WWOX: variants seen among roughly 807,000 people sequenced by gnomAD.
WWOX encodes the protein WW domain containing oxidoreductase.
In WWOX, 69 loss-of-function variants were observed where a neutral mutation model predicts 46.2. The ratio of observed to expected loss-of-function variants is 1.49; its 90% CI spans 1.23 to 1.82. The LOEUF (loss-of-function observed/expected upper bound fraction) is 1.82. Among genes scored for constraint, WWOX ranks in the 40% most tolerant of loss-of-function variants. The probability of loss-of-function intolerance (pLI) is 0.00; values close to 1 mark genes in which losing one functional copy is unlikely to be tolerated. For synonymous variants in WWOX, 359 were observed against 202.6 expected, an observed-to-expected ratio of 1.77 and a Z score of -6.56; for missense variants, 919 against 542.6, an observed-to-expected ratio of 1.69 and a Z score of -6.89.
intron 8 of WWOX, among the ~76,000 whole-genome samples, chr16:79,178,729 T>A (rs1400374049): frequency 2.6e-5 from 4 of 152,226 alleles, no homozygotes; most frequent in African/African-American, 9.6e-5. Context: ...TACCTAATGC[T>A]CTTCCTGGAT....
chr16:78,609,050 G>GA (rs1228465832), intron 8 of WWOX, among the ~76,000 whole-genome samples: 2 of 152,010 alleles, frequency 1.3e-5, no homozygotes, highest in Non-Finnish European at 2.9e-5. Flanking sequence ...TAAAATGATA[G>GA]AAAAATTAGT....
chr16:78,314,050 T>C (rs1162376805), intron 5 of WWOX, among the ~76,000 whole-genome samples: 3 of 152,100 alleles, frequency 2.0e-5, no homozygotes, highest in African/African-American at 7.2e-5. Flanking sequence ...AAAATGGAGC[T>C]GGGCATCTGT....
chr16:78,195,262 G>A (rs2036011939), intron 5 of WWOX, among the ~76,000 whole-genome samples: 1 of 152,164 alleles, frequency 6.6e-6, no homozygotes, highest in African/African-American at 2.4e-5. Context: ...CAGACTGACT[G>A]GAACCTGCTC....
chr16:78,303,801 T>A (rs913304141), intron 5 of WWOX, among the ~76,000 whole-genome samples: 1 of 152,158 alleles, frequency 6.6e-6, no homozygotes, highest in African/African-American at 2.4e-5. Context: ...GGCCTTGGCC[T>A]CCCAAAGTGC....
At chr16:79,199,987 A>T (rs1394575955) in intron 8 of WWOX, among the ~76,000 whole-genome samples, 1 of 152,116 alleles carries the variant, frequency 6.6e-6, no homozygotes, top group Admixed American at 6.5e-5. Context: ...GAGAGTTCCA[A>T]TTGCAACTGG....
intron 8 of WWOX, among the ~76,000 whole-genome samples, chr16:78,537,381 A>C (rs1478648147): frequency 6.6e-6 from 1 of 152,200 alleles, no homozygotes; most frequent in Non-Finnish European, 1.5e-5. Context: ...AACTTGTCCT[A>C]AATCACGTGT....
intron 8 of WWOX, among the ~76,000 whole-genome samples, chr16:78,777,688 A>G (rs2050225170): frequency 6.6e-6 from 1 of 152,208 alleles, no homozygotes; most frequent in African/African-American, 2.4e-5. Context: ...GCCTTTACCT[A>G]AAAAGGTAAT....
chr16:78,512,878 G>T (rs968708237), intron 8 of WWOX, among the ~76,000 whole-genome samples: 8 of 152,168 alleles, frequency 5.3e-5, no homozygotes, highest in Admixed American at 3.3e-4. Context: ...CACTTTGGAA[G>T]AATCTGGATC....
chr16:78,766,951 C>T (rs1216370875), intron 8 of WWOX, among the ~76,000 whole-genome samples: 1 of 152,182 alleles, frequency 6.6e-6, no homozygotes, highest in Non-Finnish European at 1.5e-5. Context: ...CTTCCCCAAG[C>T]TTGTGGTCTC....
At chr16:78,867,305 A>T (rs1052603622) in intron 8 of WWOX, among the ~76,000 whole-genome samples, 5 of 152,154 alleles carry the variant, frequency 3.3e-5, no homozygotes, top group Non-Finnish European at 5.9e-5. Context: ...GTCTATTTTC[A>T]TATCCCTTTC....
intron 8 of WWOX, among the ~76,000 whole-genome samples, chr16:79,163,680 C>G (rs901461935): frequency 6.6e-6 from 1 of 151,768 alleles, no homozygotes; most frequent in Non-Finnish European, 1.5e-5. Flanking sequence ...TGCCTGTAAT[C>G]CCAGCCACTT....
intron 5 of WWOX, among the ~76,000 whole-genome samples, chr16:78,343,200 A>G (rs553510754): frequency 8.3e-6 from 1 of 119,880 alleles, no homozygotes; most frequent in South Asian, 2.5e-4. Flanking sequence ...GGCTCTCAGC[A>G]GTGTCCCCGA....
At chr16:78,289,719 T>G (rs956351560) in intron 5 of WWOX, among the ~76,000 whole-genome samples, 7 of 152,252 alleles carry the variant, frequency 4.6e-5, no homozygotes, top group Non-Finnish European at 7.3e-5. Context: ...AAACAATATT[T>G]GAAAATACAA....
intron 8 of WWOX, among the ~76,000 whole-genome samples, chr16:79,090,587 G>A (rs1391043237): frequency 6.6e-6 from 1 of 152,186 alleles, no homozygotes; most frequent in South Asian, 2.1e-4. Flanking sequence ...AGGACAGGAA[G>A]ACGATGCTGT....
At chr16:79,201,595 A>G (rs1323235715) in intron 8 of WWOX, among the ~76,000 whole-genome samples, 1 of 152,196 alleles carries the variant, frequency 6.6e-6, no homozygotes, top group Non-Finnish European at 1.5e-5. Flanking sequence ...ATATTTGGGA[A>G]AAACATCTTC....
At chr16:78,917,848 A>T (rs760604730) in intron 8 of WWOX, among the ~76,000 whole-genome samples, 2 of 152,142 alleles carry the variant, frequency 1.3e-5, no homozygotes, top group Non-Finnish European at 2.9e-5. Flanking sequence ...ATACATCTAG[A>T]TCAGAAATAC....
chr16:78,836,639 G>C (rs2051993031), intron 8 of WWOX, among the ~76,000 whole-genome samples: 1 of 152,194 alleles, frequency 6.6e-6, no homozygotes, highest in African/African-American at 2.4e-5. Context: ...TACCATCCTT[G>C]AGGTGGCTGG....
intron 8 of WWOX, among the ~76,000 whole-genome samples, chr16:78,533,549 T>C (rs1451683514): frequency 6.6e-6 from 1 of 152,202 alleles, no homozygotes; most frequent in Non-Finnish European, 1.5e-5. Context: ...CTACAGGTTC[T>C]TCAAGAGGGG....
At chr16:78,903,916 A>T (rs188630457) in intron 8 of WWOX, among the ~76,000 whole-genome samples, 3 of 152,212 alleles carry the variant, frequency 2.0e-5, no homozygotes, top group African/African-American at 7.2e-5. Context: ...CTGAAGGTAC[A>T]GAGTGGATAA....
Sources: allele counts gnomAD v4.1 joint callset (sites outside exome capture counted in the v4.1 genomes callset), GRCh38; gene constraint gnomAD v4.1.1; transcripts MANE v1.5; gene names NCBI Gene and HGNC (gene_info 2026-07-23, HGNC 2026-07-21).